NCOA6: variants seen among roughly 807,000 people sequenced by gnomAD.
NCOA6 encodes the protein NRC RAP250.
NCOA6 carries 49 observed loss-of-function variants against 171.4 expected under a neutral mutation model. That is an observed-to-expected ratio of 0.29 (90% CI 0.23 to 0.36). The LOEUF is 0.36. NCOA6 is among the 10% of genes least tolerant of loss of function. The pLI, the probability that NCOA6 is intolerant of heterozygous loss-of-function variation, is 1.00. For missense variants in NCOA6, 2,248 were observed against 2,554.5 expected (o/e 0.88, Z 2.59); for synonymous variants, 910 against 927.5 (o/e 0.98, Z 0.34).
At chr20:34,723,244 C>G (rs570712164) in intron 14 of NCOA6, among the ~76,000 whole-genome samples, 1 of 152,284 alleles carries the variant, frequency 6.6e-6, no homozygotes, top group South Asian at 2.1e-4. Flanking sequence ...ACCTGTGGAT[C>G]TGATACTATC....
At chr20:34,770,841 A>T (rs1356069190) in intron 4 of NCOA6, among the ~76,000 whole-genome samples, 1 of 151,664 alleles carries the variant, frequency 6.6e-6, no homozygotes, top group African/African-American at 2.4e-5. Context: ...TGTTGGCCAG[A>T]CTGGTCTCGA....
intron 12 of NCOA6, 125 bp from the exon 13 acceptor site, chr20:34,732,720 C>A (rs1213083360): frequency 1.4e-6 from 1 of 725,414 alleles, no homozygotes; most frequent in East Asian, 2.8e-5. Flanking sequence ...AGGATTCTCA[C>A]CCTACATGGT....
chr20:34,786,694 G>T (rs960308898), intron 2 of NCOA6, among the ~76,000 whole-genome samples: 2 of 152,060 alleles, frequency 1.3e-5, no homozygotes, highest in African/African-American at 4.8e-5. Flanking sequence ...ATTTGATTGT[G>T]CTATGATCTG....
intron 1 of NCOA6, among the ~76,000 whole-genome samples, chr20:34,793,078 C>A (rs2077947283): frequency 6.6e-6 from 1 of 152,092 alleles, no homozygotes; most frequent in South Asian, 2.1e-4. Context: ...CCACTGCCCC[C>A]AGCCTTTTTT....
chr20:34,758,312 G>C (rs1363968235), intron 6 of NCOA6, among the ~76,000 whole-genome samples: 1 of 152,230 alleles, frequency 6.6e-6, no homozygotes, highest in Non-Finnish European at 1.5e-5. Context: ...TGGACATTAA[G>C]AGCGAAGTGT....
chr20:34,727,565 C>T (rs1005168146), intron 13 of NCOA6, among the ~76,000 whole-genome samples, 158 bp from the exon 14 acceptor site: 18 of 151,970 alleles, frequency 1.2e-4, no homozygotes, highest in Non-Finnish European at 2.5e-4. Context: ...AGCACTATTG[C>T]CTTCTATGTT....
intron 1 of NCOA6, among the ~76,000 whole-genome samples, chr20:34,817,218 A>G (rs2078870445): frequency 6.7e-6 from 1 of 148,546 alleles, no homozygotes; most frequent in Non-Finnish European, 1.5e-5. Context: ...TCAGTAAAGG[A>G]GCTGATTAAT....
At chr20:34,796,814 C>G (rs1003296460) in intron 1 of NCOA6, among the ~76,000 whole-genome samples, 9 of 148,446 alleles carry the variant, frequency 6.1e-5, no homozygotes, top group African/African-American at 2.2e-4. Flanking sequence ...GCTAGCATCC[C>G]GTCTCAAATT....
At chr20:34,771,268 T>C (rs767875762) in intron 4 of NCOA6, among the ~76,000 whole-genome samples, 72 of 152,212 alleles carry the variant, frequency 4.7e-4, no homozygotes, top group Non-Finnish European at 8.8e-4. Flanking sequence ...TACAGGAGTA[T>C]GCCAACATGC....
rs138875048 is a variant in NCOA6 at position 34,788,113 on chromosome 20, C to G, written c.-50+4337G>C. 5.1e-3 allele frequency among the ~76,000 whole-genome samples: 771 copies of G among 152,180 alleles called. 3 individuals are homozygous for G. Among genetic ancestry groups the G allele is most frequent in the Admixed American group, 9.8e-3 (150 of 15,264 alleles). On this transcript the variant is annotated intron_variant, in intron 2 of 14. Transcript: ENST00000359003. ...AACTCCTGAGCTCAAGCAATCCGCCCACCTTGGCCTCCTACTGTACCTGGC... is the reference window on the plus strand; with the variant it reads ...AACTCCTGAGCTCAAGCAATCCGCCGACCTTGGCCTCCTACTGTACCTGGC...
At chr20:34,756,705 A>G (rs976189730) in intron 7 of NCOA6, among the ~76,000 whole-genome samples, 5 of 152,228 alleles carry the variant, frequency 3.3e-5, no homozygotes, top group Non-Finnish European at 2.9e-5. Flanking sequence ...TTATAAAACT[A>G]TAAAAGTCAA....
At chr20:34,736,603 A>G (rs572175450) in intron 12 of NCOA6, 87 bp downstream of exon 12, 60 of 1,128,656 alleles carry the variant, frequency 5.3e-5, no homozygotes, top group Non-Finnish European at 4.4e-5. Context: ...ACTTCCTGGC[A>G]TAAGAACACA....
chr20:34,763,170 A>C lies in NCOA6; in HGVS notation c.515-4237T>G, dbSNP rs752082065. Among the ~76,000 whole-genome samples the C allele has an allele frequency of 3.3e-5, 5 of 152,128 alleles. No individual in the cohort carries two copies. The East Asian group carries it at 9.6e-4, about 29-fold the overall frequency. ...ACGTCTTTCATCCATTCTGGAAAAA[A>C]TTTTAGCCATTCTTTCTTTGACTGT... On this transcript the variant is annotated intron_variant, in intron 5 of 14. Coordinates refer to ENST00000359003, the MANE Select transcript of NCOA6 (RefSeq NM_014071.5).
chr20:34,743,445 T>C lies in NCOA6; in HGVS notation c.2915-104A>G, dbSNP rs966827401. 4.0e-6 allele frequency: 5 copies of C among 1,239,870 alleles called. No individual in the cohort carries two copies. In the African/African-American group the frequency reaches 7.5e-5, roughly 19 times the overall value. 76.8% of individuals were successfully genotyped at this position (1,239,870 alleles called of 1,614,324 possible). ...ATACTCATCTAGGTGGCACAGACTA[T>C]GCACAAACAGCTCAGGCATGCCCAC... On this transcript the variant is annotated intron_variant, in intron 10 of 14. Transcript: ENST00000359003.
chr20:34,812,364 T>G (rs896192202), intron 1 of NCOA6, among the ~76,000 whole-genome samples: 2 of 152,160 alleles, frequency 1.3e-5, no homozygotes, highest in African/African-American at 4.8e-5. Flanking sequence ...CTTAATGCTC[T>G]GAAAGGATCA....
At chr20:34,744,251 C>T (rs973961500) in intron 10 of NCOA6, among the ~76,000 whole-genome samples, 1 of 152,166 alleles carries the variant, frequency 6.6e-6, no homozygotes, top group Non-Finnish European at 1.5e-5. Context: ...AGGACAATGT[C>T]TTCTAGATAT....
intron 1 of NCOA6, among the ~76,000 whole-genome samples, chr20:34,812,741 C>T (rs564174234): frequency 1.1e-4 from 17 of 152,270 alleles, no homozygotes; most frequent in Non-Finnish European, 1.5e-4. Context: ...AGAGGTCAGG[C>T]GTGGTAGCTC....
chr20:34,801,334 TAGA>T (rs1463252945), intron 1 of NCOA6, among the ~76,000 whole-genome samples: 4 of 151,642 alleles, frequency 2.6e-5, no homozygotes, highest in Non-Finnish European at 4.4e-5. Flanking sequence ...TCAAAATTAG[TAGA>T]AGAAAAGAAA....
In NCOA6 at chr20:34,742,758, T is replaced by C. The variant is rs2076185461; in HGVS notation, c.3498A>G (p.Pro1166=). ...LPQNQLMMTG[P]KPGPSPLSAT... is the part of the protein sequence containing the mutation. ...CTGAAAGGGGCGATGGTCCAGGTTTTGGCCCTGTCATCATTAACTGATTCT... is the reference window on the plus strand; with the variant it reads ...CTGAAAGGGGCGATGGTCCAGGTTTCGGCCCTGTCATCATTAACTGATTCT... Residue 1166 remains proline, a synonymous_variant, in exon 11 of 15, where the codon CCA becomes CCG. Transcript: ENST00000359003. 6.2e-7 allele frequency: 1 copy of C among 1,614,048 alleles called. No homozygotes were observed. Among genetic ancestry groups the C allele is most frequent in the South Asian group, 1.1e-5 (1 of 91,084 alleles).
Sources: gnomAD v4.1 joint callset for allele counts (sites outside exome capture counted in the v4.1 genomes callset) on GRCh38, gnomAD v4.1.1 for gene constraint, MANE v1.5 for transcripts, NCBI Gene and HGNC (gene_info 2026-07-23, HGNC 2026-07-21) for gene names.